Variants in FRAS1 observed in about 807,000 individuals in gnomAD.
FRAS1 encodes the protein extracellular matrix organizing protein FRAS1.
In FRAS1, 290 loss-of-function variants were observed where a neutral mutation model predicts 435.2. The ratio of observed to expected loss-of-function variants is 0.67; its 90% CI spans 0.61 to 0.73. The LOEUF (loss-of-function observed/expected upper bound fraction) is 0.73. FRAS1 is among the 30% of genes least tolerant of loss of function. The pLI is 0.00. For synonymous variants in FRAS1, 1,800 were observed against 1,851.0 expected (o/e 0.97, Z 0.71); for missense variants, 4,860 against 5,001.5 (o/e 0.97, Z 0.85).
At chr4:78,230,091 G>T (rs1036993770) in intron 2 of FRAS1, among the ~76,000 whole-genome samples, 1 of 152,188 alleles carries the variant, frequency 6.6e-6, no homozygotes, top group East Asian at 1.9e-4. Context: ...TGTTGTTTCT[G>T]TATACAAGTT....
At chr4:78,207,919 A>C (rs992168939) in intron 2 of FRAS1, among the ~76,000 whole-genome samples, 3 of 152,160 alleles carry the variant, frequency 2.0e-5, no homozygotes, top group Admixed American at 6.5e-5. Context: ...TGCAGCTCCC[A>C]CTTGGACAGA....
chr4:78,135,748 T>C (rs572806255), intron 2 of FRAS1, among the ~76,000 whole-genome samples: 366 of 152,346 alleles, frequency 2.4e-3, no homozygotes, highest in Non-Finnish European at 4.5e-3. Context: ...TTGGGCAGAT[T>C]GTACACTGTA....
chr4:78,489,257 A>G (rs2109865382), intron 59 of FRAS1, among the ~76,000 whole-genome samples, 177 bp downstream of exon 59: 1 of 152,292 alleles, frequency 6.6e-6, no homozygotes, highest in Non-Finnish European at 1.5e-5. Flanking sequence ...TTTGTGTATA[A>G]CTTTTGACTC....
At chr4:78,377,395 C>T (rs780218878) in intron 26 of FRAS1, among the ~76,000 whole-genome samples, 1 of 152,188 alleles carries the variant, frequency 6.6e-6, no homozygotes, top group African/African-American at 2.4e-5. Context: ...ATGAGTGCCA[C>T]TCTCATTAGA....
chr4:78,523,664 T>G (rs915733817), intron 69 of FRAS1, among the ~76,000 whole-genome samples: 5 of 152,208 alleles, frequency 3.3e-5, no homozygotes, highest in African/African-American at 9.7e-5. Flanking sequence ...AACTTAAAAT[T>G]TTTGATCTTA....
intron 38 of FRAS1, among the ~76,000 whole-genome samples, chr4:78,435,715 G>A (rs1261225300): frequency 2.6e-5 from 4 of 150,964 alleles, no homozygotes; most frequent in Admixed American, 1.3e-4. Context: ...TCCAGTCTTG[G>A]CAACAGAGTG....
intron 25 of FRAS1, among the ~76,000 whole-genome samples, chr4:78,374,953 A>G (rs1731695853): frequency 6.6e-6 from 1 of 152,214 alleles, no homozygotes; most frequent in Admixed American, 6.5e-5. Context: ...TGAAAGAAAA[A>G]TAAGAGACTT....
intron 2 of FRAS1, among the ~76,000 whole-genome samples, chr4:78,133,226 G>A (rs1250837242): frequency 6.6e-6 from 1 of 152,178 alleles, no homozygotes; most frequent in African/African-American, 2.4e-5. Context: ...AACATGTATG[G>A]AACTGGAGGT....
In FRAS1 at chr4:78,541,153, A is replaced by G; in HGVS notation, c.*29A>G. 1 of 1,250,066 alleles carries G rather than the reference A, an allele frequency of 8.0e-7. No individual in the cohort carries two copies. 77.4% of individuals were successfully genotyped at this position (1,250,066 alleles called of 1,614,324 possible). On this transcript the variant is annotated 3_prime_UTR_variant, in exon 74 of 74. Transcript: ENST00000512123. Reference sequence around the variant, plus strand: ...AGGAGACCTATGTGTATTTTTTTCTAAAATCATTTTTATAAAATGGGGGGA... The same window carrying G: ...AGGAGACCTATGTGTATTTTTTTCTGAAATCATTTTTATAAAATGGGGGGA...
At chr4:78,183,775 T>TGTGTGTGTGTGTG (rs55783941) in intron 2 of FRAS1, among the ~76,000 whole-genome samples, 4 of 150,594 alleles carry the variant, frequency 2.7e-5, no homozygotes, top group Non-Finnish European at 2.9e-5. Flanking sequence ...TGTGTGTGTG[T>TGTGTGTGTGTGTG]TTAAATATAT....
At chr4:78,263,499 T>G (rs1404327003) in intron 6 of FRAS1, among the ~76,000 whole-genome samples, 3 of 152,254 alleles carry the variant, frequency 2.0e-5, no homozygotes, top group African/African-American at 7.2e-5. Context: ...GATAGATTGA[T>G]GCTAACTCTA....
rs1560750568 is a variant in FRAS1 at position 78,479,433 on chromosome 4, A to G, written c.8158A>G (p.Ser2720Gly). Residue 2720 changes from serine (S) to glycine (G), a missense_variant, in exon 56 of 74, where the codon AGT becomes GGT. Physicochemically the swap from Ser to Gly is moderately conservative, Grantham distance 56. Coordinates refer to ENST00000512123, the MANE Select transcript of FRAS1 (RefSeq NM_025074.7). ...CYTVPKSAMG[S>G]SLYALESGSD... ...CACAGTCCCTAAGTCAGCTATGGGA[A>G]GTAGCCTCTATGCTCTAGAATCAGG... 6.3e-7 allele frequency: 1 copy of G among 1,582,474 alleles called. No individual in the cohort carries two copies. Among genetic ancestry groups the G allele is most frequent in the African/African-American group, 1.3e-5 (1 of 74,562 alleles).
chr4:78,322,985 G>C lies in FRAS1; in HGVS notation c.2137+3999G>C, dbSNP rs75149605. On this transcript the variant is annotated intron_variant, in intron 18 of 73. Coordinates refer to ENST00000512123, the MANE Select transcript of FRAS1 (RefSeq NM_025074.7). ...GCAGCAACAAAACCCATGGATGCTG[G>C]TCTGTGCCCAGAAGCCCCCAGCAAG... Among the ~76,000 whole-genome samples the C allele has an allele frequency of 5.9e-3, 893 of 152,318 alleles. 2 individuals carry two copies. Among genetic ancestry groups the C allele is most frequent in the Non-Finnish European group, 9.9e-3 (673 of 68,026 alleles).
In FRAS1 at chr4:78,451,788, T is replaced by C; in HGVS notation, c.6480T>C (p.Ser2160=). The C allele has an allele frequency of 1.7e-5, 28 of 1,610,512 alleles. No individual in the cohort carries two copies. Among genetic ancestry groups the C allele is most frequent in the Non-Finnish European group, 2.2e-5 (26 of 1,177,774 alleles). Residue 2160 remains serine (S), a synonymous_variant, in exon 46 of 74, where the codon AGT becomes AGC. Transcript: ENST00000512123. The part of the protein sequence containing the change: ...ADISQGHVEY[S]HGTGEPGGSF... ...TTTTTATAGGCCACGTAGAATATAG[T>C]CATGGAACAGGAGAACCTGGAGGGA...
Position 78,540,954 on chromosome 4 carries a change from A to G in FRAS1, c.11869A>G (p.Arg3957Gly). ...PLNTKVEVPK[R>G]HPDRVEKNVN... ...GAATACCAAGGTAGAAGTGCCCAAGAGGCACCCGGACCGGGTGGAGAAGAA... is the reference window on the plus strand; with the variant it reads ...GAATACCAAGGTAGAAGTGCCCAAGGGGCACCCGGACCGGGTGGAGAAGAA... The change falls in exon 74 of 74, where the codon AGG becomes GGG. Residue 3957 changes from arginine to glycine, a missense_variant. Coordinates refer to ENST00000512123, the MANE Select transcript of FRAS1 (RefSeq NM_025074.7). 8 of 1,613,928 alleles carry G rather than the reference A, an allele frequency of 5.0e-6. No homozygotes were observed. The highest frequency in any genetic ancestry group is 6.8e-6 in the Non-Finnish European group (8 of 1,179,862).
chr4:78,255,575 C>G lies in FRAS1; in HGVS notation c.603+200C>G, dbSNP rs548835145. On this transcript the variant is annotated intron_variant, in intron 6 of 73. Coordinates refer to ENST00000512123, the MANE Select transcript of FRAS1 (RefSeq NM_025074.7). ...TACAGATAGGTCTAATTACCAGCCACTTAGGCTAATTGTTATATAATGCAA... is the reference window on the plus strand; with the variant it reads ...TACAGATAGGTCTAATTACCAGCCAGTTAGGCTAATTGTTATATAATGCAA... Among the ~76,000 whole-genome samples, 13 of 152,338 alleles carry G rather than the reference C, an allele frequency of 8.5e-5. No individual in the cohort carries two copies. In the South Asian group the frequency reaches 2.7e-3, roughly 32 times the overall value.
intron 2 of FRAS1, among the ~76,000 whole-genome samples, chr4:78,149,812 C>T (rs1560550604): frequency 6.6e-6 from 1 of 152,142 alleles, no homozygotes. Context: ...CAGTTTTGCC[C>T]TGGGAAAGCA....
intron 2 of FRAS1, among the ~76,000 whole-genome samples, chr4:78,117,660 G>A (rs984703505): frequency 2.0e-5 from 3 of 152,132 alleles, no homozygotes; most frequent in Non-Finnish European, 4.4e-5. Flanking sequence ...TAGTTCTCGT[G>A]CCATGGTTTT....
chr4:78,292,632 C>T (rs2110196083), intron 14 of FRAS1, among the ~76,000 whole-genome samples: 2 of 152,208 alleles, frequency 1.3e-5, no homozygotes, highest in Admixed American at 1.3e-4. Flanking sequence ...CCTGGCTGTG[C>T]CCTGGGTGGA....
Sources: gnomAD v4.1 joint callset for allele counts (sites outside exome capture counted in the v4.1 genomes callset) on GRCh38, gnomAD v4.1.1 for gene constraint, MANE v1.5 for transcripts, NCBI Gene and HGNC (gene_info 2026-07-23, HGNC 2026-07-21) for gene names.